PABPC1L: variants seen among roughly 807,000 people sequenced by gnomAD.
The protein encoded by PABPC1L is poly(A) binding protein cytoplasmic 1 like, also known as polyadenylate-binding protein 1-like.
In PABPC1L, 31 loss-of-function variants were observed where a neutral mutation model predicts 66.6. The ratio of observed to expected loss-of-function variants is 0.47; its 90% CI spans 0.35 to 0.63. The LOEUF (loss-of-function observed/expected upper bound fraction) is 0.63. Among genes scored for constraint, PABPC1L ranks in the 20% least tolerant of loss-of-function variants. The pLI is 0.00. For missense variants in PABPC1L, 722 were observed against 848.8 expected (o/e 0.85, Z 1.86); for synonymous variants, 348 against 335.1 (o/e 1.04, Z -0.42).
In PABPC1L at chr20:44,919,280, A is replaced by G; in HGVS notation, c.738+3A>G. 6.2e-7 allele frequency: 1 copy of G among 1,614,104 alleles called. No homozygotes were observed. Among genetic ancestry groups the G allele is most frequent in the Non-Finnish European group, 8.5e-7 (1 of 1,179,970 alleles). ...AGAAGCATGAGGAAGCCCAGAAGGT[A>G]GGAGCCTCCCCATGGCTCTGTTCTG... is the stretch of plus-strand genomic sequence containing the variant. On this transcript the variant is annotated splice_donor_region_variant and intron_variant, in intron 5 of 14. Transcript: ENST00000217073.
intron 7 of PABPC1L, among the ~76,000 whole-genome samples, chr20:44,925,426 CA>C (rs2066803138): frequency 6.6e-6 from 1 of 152,012 alleles, no homozygotes; most frequent in African/African-American, 2.4e-5. Context: ...GTATGGGAGG[CA>C]AAGCTACAGG....
Position 44,910,346 on chromosome 20 carries a change from G to T in PABPC1L, c.193+10G>T. The T allele has an allele frequency of 6.7e-7, 1 of 1,496,610 alleles. No individual in the cohort carries two copies. The highest frequency in any genetic ancestry group is 9.0e-7 in the Non-Finnish European group (1 of 1,115,280). 92.7% of individuals were successfully genotyped at this position (1,496,610 alleles called of 1,614,324 possible). ...CAGCAGCCCGCGGACGGTGAGCCCC[G>T]GGGATGGGGCGGGAGGGGAAGGACC... is the stretch of plus-strand genomic sequence containing the variant. On this transcript the variant is annotated intron_variant, in intron 1 of 14. Coordinates refer to ENST00000217073, the MANE Select transcript of PABPC1L (RefSeq NM_001372179.1).
At chr20:44,915,156 C>G (rs1223137976) in intron 2 of PABPC1L, among the ~76,000 whole-genome samples, 1 of 152,144 alleles carries the variant, frequency 6.6e-6, no homozygotes, top group African/African-American at 2.4e-5. Flanking sequence ...CACTGGGGAG[C>G]CTCAAATGCC....
chr20:44,922,840 G>A (rs943257201), intron 6 of PABPC1L, among the ~76,000 whole-genome samples: 2 of 152,204 alleles, frequency 1.3e-5, no homozygotes, highest in African/African-American at 4.8e-5. Flanking sequence ...TGTGGGTGGT[G>A]GGGTGCTACT....
At chr20:44,932,591 G>A in intron 9 of PABPC1L, 159 bp downstream of exon 9, 1 of 609,010 alleles carries the variant, frequency 1.6e-6, no homozygotes, top group Non-Finnish European at 2.9e-6. Flanking sequence ...GGGCCTGAAT[G>A]AGACGTGTGT....
intron 10 of PABPC1L, 108 bp downstream of exon 10, chr20:44,933,293 C>A: frequency 1.1e-6 from 1 of 934,124 alleles, no homozygotes; most frequent in Non-Finnish European, 1.6e-6. Context: ...GTGAGCAAAG[C>A]TGACTTTGGA....
Position 44,910,086 on chromosome 20 carries a change from C to G in PABPC1L, c.-58C>G, listed in dbSNP as rs550622052. 4.9e-6 allele frequency: 7 copies of G among 1,442,308 alleles called. No individual in the cohort carries two copies. The highest frequency in any genetic ancestry group is 2.2e-5 in the Admixed American group (1 of 45,204). 89.3% of individuals were successfully genotyped at this position (1,442,308 alleles called of 1,614,324 possible). ...AGGAGGGCTTCCGCCCGGGTGAGCGCGGGGCTGCTGGGTGACCCGGCTCCT... is the reference window on the plus strand; with the variant it reads ...AGGAGGGCTTCCGCCCGGGTGAGCGGGGGGCTGCTGGGTGACCCGGCTCCT... On this transcript the variant is annotated 5_prime_UTR_variant, in exon 1 of 15. Coordinates refer to ENST00000217073, the MANE Select transcript of PABPC1L (RefSeq NM_001372179.1).
At chr20:44,923,684 C>T (rs2066789623) in intron 6 of PABPC1L, among the ~76,000 whole-genome samples, 1 of 151,902 alleles carries the variant, frequency 6.6e-6, no homozygotes, top group African/African-American at 2.4e-5. Flanking sequence ...CTTAGAGTGG[C>T]ACCTGGCACC....
chr20:44,915,292 G>C (rs1016703275), intron 2 of PABPC1L, among the ~76,000 whole-genome samples: 7 of 152,146 alleles, frequency 4.6e-5, no homozygotes, highest in Non-Finnish European at 8.8e-5. Context: ...TTGTCATCCA[G>C]GCAGAAAATG....
rs182273356 is a variant in PABPC1L, at chr20:44,915,334, G to A, written c.388-1422G>A. On this transcript the variant is annotated intron_variant, in intron 2 of 14. Coordinates refer to ENST00000217073, the MANE Select transcript of PABPC1L (RefSeq NM_001372179.1). ...GCTGAGCTGAGCCTGTAGCCACAGG[G>A]ATGAGTGGAGCCACAGTCACCTTGA... Among the ~76,000 whole-genome samples, 141 of 152,296 alleles carry A rather than the reference G, an allele frequency of 9.3e-4. 1 individual carries two copies. The highest frequency in any genetic ancestry group is 5.1e-3 in the Admixed American group (78 of 15,300).
At chr20:44,934,209 GC>G (rs2066883582) in intron 10 of PABPC1L, among the ~76,000 whole-genome samples, 1 of 152,218 alleles carries the variant, frequency 6.6e-6, no homozygotes. Flanking sequence ...TCCACAGTGT[GC>G]TGGGGCCCCA....
At chr20:44,928,426 A>G (rs2066825693) in intron 7 of PABPC1L, among the ~76,000 whole-genome samples, 1 of 152,188 alleles carries the variant, frequency 6.6e-6, no homozygotes, top group Non-Finnish European at 1.5e-5. Context: ...CTTCATGACA[A>G]ATTCATGGCT....
intron 5 of PABPC1L, 139 bp from the exon 6 acceptor site, chr20:44,921,455 G>C (rs2066772583): frequency 2.4e-6 from 3 of 1,249,060 alleles, no homozygotes; most frequent in Non-Finnish European, 3.3e-6. Context: ...TACTTAAATG[G>C]CCTTTGTCCT....
intron 12 of PABPC1L, chr20:44,937,749 G>A (rs910707000): frequency 1.3e-5 from 4 of 302,196 alleles, no homozygotes; most frequent in African/African-American, 2.2e-5. Flanking sequence ...CTTAATGGAA[G>A]TAGAAGTCTT....
intron 6 of PABPC1L, among the ~76,000 whole-genome samples, 200 bp from the exon 7 acceptor site, chr20:44,923,961 T>C (rs1395260406): frequency 1.3e-5 from 2 of 152,064 alleles, no homozygotes; most frequent in African/African-American, 4.8e-5. Context: ...CAGGGGAATT[T>C]GGGATGTGGG....
chr20:44,932,962 T>C, intron 9 of PABPC1L, 95 bp from the exon 10 acceptor site: 3 of 726,664 alleles, frequency 4.1e-6, no homozygotes, highest in Admixed American at 2.6e-5. Flanking sequence ...CCCATTCTCT[T>C]GGTGGCCCTG....
rs1272177368 is a variant in PABPC1L, at chr20:44,935,490, C to T, written c.1559C>T (p.Thr520Ile). ...AAATGTTCCTCAGCAGCACATAGCA[C>T]CTATCGGGTAAGGCCAGCCCAGCTG... Reference protein sequence around the residue: ...PCKCSSAAHSTYRVQEPAVHI... With the variant: ...PCKCSSAAHSIYRVQEPAVHI... The change falls in exon 11 of 15, where the codon ACC (threonine) becomes ATC (isoleucine). Residue 520 changes from threonine (T) to isoleucine (I), a missense_variant. This residue lies in a region of PABPC1L where 301 missense variants were observed against 337.2 expected (regional missense o/e 0.89). Coordinates refer to ENST00000217073, the MANE Select transcript of PABPC1L (RefSeq NM_001372179.1). 6.2e-7 allele frequency: 1 copy of T among 1,613,954 alleles called. No individual in the cohort carries two copies. The highest frequency in any genetic ancestry group is 2.2e-5 in the East Asian group (1 of 44,896).
At position 44,912,640 on chromosome 20, in the gene PABPC1L, C is replaced by T. The variant is rs747287116; in HGVS notation, c.194-20C>T. The T allele has an allele frequency of 6.3e-6, 10 of 1,582,932 alleles. No individual in the cohort carries two copies. The East Asian group carries it at 6.8e-5, about 11-fold the overall frequency. On this transcript the variant is annotated intron_variant, in intron 1 of 14. Coordinates refer to ENST00000217073, the MANE Select transcript of PABPC1L (RefSeq NM_001372179.1). ...AAATTCCCTAAACTTGCTAATTTCTCTCCTCTTCCTTCTGTCCAGCGGAGC... is the reference window on the plus strand; with the variant it reads ...AAATTCCCTAAACTTGCTAATTTCTTTCCTCTTCCTTCTGTCCAGCGGAGC...
chr20:44,939,166 G>T lies in PABPC1L; in HGVS notation c.*47G>T, dbSNP rs898760503. 1.4e-6 allele frequency: 1 copy of T among 717,952 alleles called. No individual in the cohort carries two copies. Among genetic ancestry groups the T allele is most frequent in the Non-Finnish European group, 2.6e-6 (1 of 385,232 alleles). The allele number at this position is 717,952 out of a possible 1,614,324, so 44.5% of individuals were successfully genotyped here. On this transcript the variant is annotated 3_prime_UTR_variant, in exon 15 of 15. Coordinates refer to ENST00000217073, the MANE Select transcript of PABPC1L (RefSeq NM_001372179.1). ...CTTCCATGGCTGCCAAAAGGACAGTGTTTCTGGCTCTCAGCCCTAAGGCCC... is the reference window on the plus strand; with the variant it reads ...CTTCCATGGCTGCCAAAAGGACAGTTTTTCTGGCTCTCAGCCCTAAGGCCC...
Sources: gnomAD v4.1 joint callset for allele counts (sites outside exome capture counted in the v4.1 genomes callset) on GRCh38, gnomAD v4.1.1 for gene constraint, gnomAD v4.1.1 regional missense constraint, MANE v1.5 for transcripts, NCBI Gene and HGNC (gene_info 2026-07-23, HGNC 2026-07-21) for gene names.